Variants in DIS3L observed in about 807,000 individuals in gnomAD.
DIS3L encodes the protein DIS3 like exosome 3'-5' exoribonuclease.
In DIS3L, 100 loss-of-function variants were observed where a neutral mutation model predicts 120.3. The ratio of observed to expected loss-of-function variants is 0.83; its 90% CI spans 0.71 to 0.98. DIS3L has a LOEUF of 0.98. DIS3L is among the 50% of genes least tolerant of loss of function. DIS3L has a pLI of 0.00. For missense variants in DIS3L, 1,196 were observed against 1,314.2 expected (o/e 0.91, Z 1.39); for synonymous variants, 426 against 470.6 (o/e 0.91, Z 1.23).
intron 2 of DIS3L, among the ~76,000 whole-genome samples, chr15:66,296,585 C>T (rs185805262): frequency 4.7e-4 from 70 of 147,490 alleles, no homozygotes; most frequent in Non-Finnish European, 7.8e-4. Context: ...GGCGTGATTT[C>T]GGCTCACAGG....
intron 7 of DIS3L, among the ~76,000 whole-genome samples, chr15:66,316,234 C>G (rs1283969493): frequency 1.3e-5 from 2 of 152,298 alleles, no homozygotes; most frequent in East Asian, 3.9e-4. Context: ...TGCTCTTCCC[C>G]ACGTGTTCCC....
intron 2 of DIS3L, 187 bp from the exon 3 acceptor site, chr15:66,306,636 CA>C (rs1334700404): frequency 1.3e-5 from 9 of 703,296 alleles, no homozygotes; most frequent in Non-Finnish European, 1.7e-5. Flanking sequence ...TTCTAGCAGG[CA>C]AAATCGAGAA....
intron 7 of DIS3L, among the ~76,000 whole-genome samples, chr15:66,315,643 T>C (rs1189219731): frequency 1.3e-5 from 2 of 152,216 alleles, no homozygotes; most frequent in Non-Finnish European, 2.9e-5. Flanking sequence ...CACCCAAATA[T>C]GCTGTAATGG....
Position 66,309,785 on chromosome 15 carries a change from C to CT in DIS3L, c.558+948dup, listed in dbSNP as rs1257636291. On this transcript the variant is annotated intron_variant, in intron 4 of 16. Coordinates refer to ENST00000319212, the MANE Select transcript of DIS3L (RefSeq NM_001143688.3). ...GAAACAAACTGTCTTAAAGGCCAGT[C>CT]TTTTTTTCCAACTGTTCTTCACTCT... Among the ~76,000 whole-genome samples the CT allele has an allele frequency of 7.9e-5, 12 of 152,240 alleles. No individual in the cohort carries two copies. The East Asian group carries it at 1.7e-3, about 22-fold the overall frequency.
At position 66,315,191 on chromosome 15, in the gene DIS3L, T is replaced by G. The variant is rs1280063548; in HGVS notation, c.970T>G (p.Ser324Ala). Residue 324 changes from serine (S) to alanine (A), a missense_variant, in exon 7 of 17, where the codon TCC becomes GCC. Physicochemically the swap from Ser to Ala is moderately conservative, Grantham distance 99 (BLOSUM62 1). Transcript: ENST00000319212. ...NDCDDKASGE[S>A]PSEPMPTGRV... ...CTGTGACGACAAGGCTTCGGGCGAGTCCCCAAGTGAGCCCATGCCTACAGG... is the reference window on the plus strand; with the variant it reads ...CTGTGACGACAAGGCTTCGGGCGAGGCCCCAAGTGAGCCCATGCCTACAGG... 6.2e-7 allele frequency: 1 copy of G among 1,612,666 alleles called. No homozygotes were observed.
At chr15:66,322,984 T>C in intron 10 of DIS3L, 50 bp downstream of exon 10, 1 of 1,600,128 alleles carries the variant, frequency 6.2e-7, no homozygotes, top group Non-Finnish European at 8.5e-7. Context: ...TGACTGGATA[T>C]TTTGTGTCTG....
At position 66,295,135 on chromosome 15, in the gene DIS3L, G is replaced by T. The variant is rs1227528991; in HGVS notation, c.287G>T (p.Gly96Val). 1.9e-6 allele frequency: 3 copies of T among 1,613,594 alleles called. No individual in the cohort carries two copies. The highest frequency in any genetic ancestry group is 2.5e-6 in the Non-Finnish European group (3 of 1,179,858). Residue 96 changes from glycine to valine, a missense_variant, in exon 2 of 17, where the codon GGC becomes GTC. By Grantham distance (109) the Gly-to-Val change is moderately radical. Coordinates refer to ENST00000319212, the MANE Select transcript of DIS3L (RefSeq NM_001143688.3). ...TACQAVQHQR[G>V]RRQYNKLRNL... The stretch of plus-strand genomic sequence containing the variant: ...TGTCAAGCTGTGCAGCATCAAAGAG[G>T]CAGGAGGTATACGTTTTGCATTCTT...
intron 2 of DIS3L, among the ~76,000 whole-genome samples, chr15:66,297,302 G>T (rs905229420): frequency 6.6e-6 from 1 of 152,164 alleles, no homozygotes; most frequent in Non-Finnish European, 1.5e-5. Flanking sequence ...GATTAAAATT[G>T]TATGTATTTG....
At chr15:66,294,855 A>G in intron 1 of DIS3L, 133 bp from the exon 2 acceptor site, 1 of 942,318 alleles carries the variant, frequency 1.1e-6, no homozygotes, top group Admixed American at 2.9e-5. Context: ...CTACCAAAGT[A>G]GATTTGTCTT....
At position 66,308,607 on chromosome 15, in the gene DIS3L, A is replaced by G. The variant is rs1368329254; in HGVS notation, c.423-102A>G. On this transcript the variant is annotated intron_variant, in intron 3 of 16. Coordinates refer to ENST00000319212, the MANE Select transcript of DIS3L (RefSeq NM_001143688.3). ...GTATTTGTTGAACGAATGAATGGTTATCTATATAGTCCAAAGGATAGCAAA... is the reference window on the plus strand; with the variant it reads ...GTATTTGTTGAACGAATGAATGGTTGTCTATATAGTCCAAAGGATAGCAAA... 4 of 1,399,786 alleles carry G rather than the reference A, an allele frequency of 2.9e-6. No individual in the cohort carries two copies. The Admixed American group carries it at 6.6e-5, about 23-fold the overall frequency. The allele number at this position is 1,399,786 out of a possible 1,614,324, so 86.7% of individuals were successfully genotyped here. A position where few individuals can be genotyped will look rare whatever the true frequency, so the allele number is the denominator to read the frequency against.
intron 7 of DIS3L, among the ~76,000 whole-genome samples, chr15:66,315,798 C>G (rs1273242715): frequency 2.0e-5 from 3 of 152,210 alleles, no homozygotes; most frequent in Non-Finnish European, 1.5e-5. Context: ...ATTCTGACAC[C>G]TCCCAAGCCC....
At chr15:66,294,104 T>G in intron 1 of DIS3L, 1 of 985,710 alleles carries the variant, frequency 1.0e-6, no homozygotes, top group Non-Finnish European at 1.2e-6. Context: ...GGTCCCGAGC[T>G]GGGAGCCCCC....
intron 9 of DIS3L, 106 bp downstream of exon 9, chr15:66,320,838 TGTGAAGGCACAGATAATGGAAAAA>T: frequency 7.4e-7 from 1 of 1,356,542 alleles, no homozygotes; most frequent in Admixed American, 2.3e-5. Context: ...CAACCCACTG[TGTGAAGGCACAGATAATGGAAAAA>T]TCTCAATCCT....
At position 66,314,131 on chromosome 15, in the gene DIS3L, C is replaced by T. The variant is rs1212001941; in HGVS notation, c.814+14C>T. On this transcript the variant is annotated intron_variant, in intron 6 of 16. Coordinates refer to ENST00000319212, the MANE Select transcript of DIS3L (RefSeq NM_001143688.3). ...GTAAAGATTCAGGTTCAGTATAAACCTTACATAAATTTCCATACTCCTTTT... is the reference window on the plus strand; with the variant it reads ...GTAAAGATTCAGGTTCAGTATAAACTTTACATAAATTTCCATACTCCTTTT... 6.9e-7 allele frequency: 1 copy of T among 1,454,708 alleles called. No individual in the cohort carries two copies. The highest frequency in any genetic ancestry group is 9.0e-7 in the Non-Finnish European group (1 of 1,107,254). 90.1% of individuals were successfully genotyped at this position (1,454,708 alleles called of 1,614,324 possible). A position where few individuals can be genotyped will look rare whatever the true frequency, so the allele number is the denominator to read the frequency against.
rs76091877 is a variant in DIS3L at position 66,294,598 on chromosome 15, C to T, written c.140-390C>T. 3,213 of 899,396 alleles carry T rather than the reference C, an allele frequency of 3.6e-3. 10 individuals are homozygous for T. The highest frequency in any genetic ancestry group is 4.1e-3 in the Non-Finnish European group (3,039 of 746,620). The allele number at this position is 899,396 out of a possible 1,614,324, so 55.7% of individuals were successfully genotyped here. On this transcript the variant is annotated intron_variant, in intron 1 of 16. Coordinates refer to ENST00000319212, the MANE Select transcript of DIS3L (RefSeq NM_001143688.3). ...GCTGAGCACGTGCAGAAGCTTGACA[C>T]AGAGCCAACTTTAAATTGCTGGGCA... is the stretch of plus-strand genomic sequence containing the variant.
chr15:66,330,461 G>GAACGCAGGAAATT (rs2092988662), intron 14 of DIS3L: 1 of 985,208 alleles, frequency 1.0e-6, no homozygotes, highest in Admixed American at 6.2e-5. Context: ...TAGACTATTG[G>GAACGCAGGAAATT]GTAACGCAGG....
intron 2 of DIS3L, among the ~76,000 whole-genome samples, chr15:66,303,776 A>C (rs1048032494): frequency 6.6e-6 from 1 of 152,200 alleles, no homozygotes; most frequent in Non-Finnish European, 1.5e-5. Flanking sequence ...TAAGGCAGAA[A>C]GTGAAAGCCT....
At chr15:66,309,101 A>ATATATATATATATATATATATATATATC (rs2092734785) in intron 4 of DIS3L, among the ~76,000 whole-genome samples, 1 of 112,172 alleles carries the variant, frequency 8.9e-6, no homozygotes, top group Admixed American at 1.0e-4. Flanking sequence ...AAAAATATAT[A>ATATATATATATATATATATATATATATC]TATCTCCAAG....
rs775279348 is a variant in DIS3L, at chr15:66,333,269, G to A, written c.3122G>A (p.Arg1041Gln). 2.1e-5 allele frequency: 34 copies of A among 1,611,680 alleles called. No individual in the cohort carries two copies. The highest frequency in any genetic ancestry group is 1.6e-4 in the Middle Eastern group (1 of 6,074). Residue 1041 changes from arginine (R) to glutamine (Q), a missense_variant, in exon 17 of 17, where the codon CGG becomes CAG. Arg to Gln is a conservative substitution (Grantham distance 43). Coordinates refer to ENST00000319212, the MANE Select transcript of DIS3L (RefSeq NM_001143688.3). ...CTATACACACTTCTAGAGGAGATACGGGACCTAGCTCTCCTGGATGTTTCA... is the reference window on the plus strand; with the variant it reads ...CTATACACACTTCTAGAGGAGATACAGGACCTAGCTCTCCTGGATGTTTCA... ...RSLYTLLEEIRDLALLDVSNN... is the reference protein window; with the variant it reads ...RSLYTLLEEIQDLALLDVSNN...
Sources: allele counts gnomAD v4.1 joint callset (sites outside exome capture counted in the v4.1 genomes callset), GRCh38; gene constraint gnomAD v4.1.1; transcripts MANE v1.5; gene names NCBI Gene and HGNC (gene_info 2026-07-23, HGNC 2026-07-21).